Variants in MYO3B observed in about 807,000 individuals in gnomAD.
The protein encoded by MYO3B is myosin IIIB, also known as myosin-IIIb.
Under a neutral mutation model 174.6 loss-of-function variants are expected in MYO3B, and 156 were observed. That is an observed-to-expected ratio of 0.89 (90% CI 0.78 to 1.02). MYO3B has a LOEUF of 1.02. Ranked by LOEUF, MYO3B falls within the 50% of genes least tolerant of loss-of-function variation. MYO3B has a pLI of 0.00. For synonymous variants in MYO3B, 563 were observed against 569.1 expected (o/e 0.99, Z 0.15); for missense variants, 1,632 against 1,639.4 (o/e 1.00, Z 0.08).
At chr2:170,295,801 T>C (rs923292515) in intron 7 of MYO3B, among the ~76,000 whole-genome samples, 22 of 152,194 alleles carry the variant, frequency 1.4e-4, no homozygotes, top group African/African-American at 4.8e-4. Context: ...ATAAGACATA[T>C]TTACTGTTGG....
intron 9 of MYO3B, among the ~76,000 whole-genome samples, chr2:170,370,369 A>G (rs1164848349): frequency 6.6e-6 from 1 of 152,160 alleles, no homozygotes; most frequent in African/African-American, 2.4e-5. Flanking sequence ...CAAGGTGACT[A>G]TATTTTGCTG....
At chr2:170,492,930 C>A (rs972287735) in intron 25 of MYO3B, among the ~76,000 whole-genome samples, 1 of 152,194 alleles carries the variant, frequency 6.6e-6, no homozygotes, top group African/African-American at 2.4e-5. Context: ...TTAACAAAGT[C>A]TCTGTTTCTC....
intron 32 of MYO3B, among the ~76,000 whole-genome samples, chr2:170,573,980 A>G (rs72625221): frequency 0.039 from 5,906 of 152,232 alleles, 253 homozygotes; most frequent in East Asian, 0.2. Context: ...AGAATTCACC[A>G]TTAGAAAACA....
intron 28 of MYO3B, among the ~76,000 whole-genome samples, chr2:170,510,407 A>G (rs760627055): frequency 2.6e-5 from 4 of 152,230 alleles, no homozygotes; most frequent in African/African-American, 4.8e-5. Flanking sequence ...ACAAGGAGAC[A>G]CAGGTCCTTC....
chr2:170,217,425 G>A (rs144380985), intron 6 of MYO3B, 30 bp downstream of exon 6: 2 of 1,577,590 alleles, frequency 1.3e-6, no homozygotes, highest in Admixed American at 1.7e-5. Flanking sequence ...TTCTTTCTTT[G>A]CACTTGTTGA....
At position 170,204,492 on chromosome 2, in the gene MYO3B, T is replaced by C. The variant is rs371082847; in HGVS notation, c.321+4208T>C. On this transcript the variant is annotated intron_variant, in intron 3 of 34. Transcript: ENST00000408978. ...ATAATGTGGAAGAAAGTTGATGGCTTATTGAGCAAGGAACATTTTATTGCT... is the reference window on the plus strand; with the variant it reads ...ATAATGTGGAAGAAAGTTGATGGCTCATTGAGCAAGGAACATTTTATTGCT... Among the ~76,000 whole-genome samples, 12 of 152,332 alleles carry C rather than the reference T, an allele frequency of 7.9e-5. No homozygotes were observed. The South Asian group carries it at 1.0e-3, about 13-fold the overall frequency.
intron 8 of MYO3B, among the ~76,000 whole-genome samples, chr2:170,351,772 C>T (rs187379203): frequency 6.6e-6 from 1 of 152,150 alleles, no homozygotes; most frequent in Non-Finnish European, 1.5e-5. Flanking sequence ...AGCATAAATT[C>T]GTTTGAAATG....
intron 30 of MYO3B, among the ~76,000 whole-genome samples, chr2:170,527,241 G>C (rs1689062324): frequency 6.6e-6 from 1 of 152,136 alleles, no homozygotes; most frequent in East Asian, 1.9e-4. Flanking sequence ...GGGTAGGATG[G>C]GGGTGGTATG....
At chr2:170,352,116 C>T (rs1241479012) in intron 8 of MYO3B, among the ~76,000 whole-genome samples, 2 of 152,242 alleles carry the variant, frequency 1.3e-5, no homozygotes, top group South Asian at 4.1e-4. Flanking sequence ...CAACACCTGG[C>T]TGATTTTTGT....
chr2:170,272,602 A>G (rs1262684849), intron 7 of MYO3B, among the ~76,000 whole-genome samples: 1 of 152,176 alleles, frequency 6.6e-6, no homozygotes, highest in African/African-American at 2.4e-5. Context: ...GGTAACTACC[A>G]TGGTTTGAGA....
intron 7 of MYO3B, among the ~76,000 whole-genome samples, chr2:170,259,095 C>T (rs973642193): frequency 1.3e-5 from 2 of 152,264 alleles, no homozygotes; most frequent in African/African-American, 4.8e-5. Flanking sequence ...ATTCCATGCT[C>T]ATGGACTGGA....
At position 170,653,317 on chromosome 2, in the gene MYO3B, G is replaced by A. The variant is rs1699125536; in HGVS notation, c.*196G>A. 1 of 624,314 alleles carries A rather than the reference G, an allele frequency of 1.6e-6. No individual in the cohort carries two copies. Among genetic ancestry groups the A allele is most frequent in the South Asian group, 2.3e-5 (1 of 44,186 alleles). 38.7% of individuals were successfully genotyped at this position (624,314 alleles called of 1,614,324 possible). A position where few individuals can be genotyped will look rare whatever the true frequency, so the allele number is the denominator to read the frequency against. ...ACCACTCTCCCACATGTGTTGTGCA[G>A]CCTGAGCTGGGCGCTGCCTTCCTTT... is the stretch of plus-strand genomic sequence containing the variant. On this transcript the variant is annotated 3_prime_UTR_variant, in exon 35 of 35. Transcript: ENST00000408978.
At position 170,387,325 on chromosome 2, in the gene MYO3B, A is replaced by T. The variant is rs1406181483; in HGVS notation, c.1577+17A>T. ...ACAGGCAGCGTAGGTGCACTACTTT[A>T]TCACTGTGTTTTTGCCCTGCAGTAA... On this transcript the variant is annotated intron_variant, in intron 14 of 34. Coordinates refer to ENST00000408978, the MANE Select transcript of MYO3B (RefSeq NM_138995.5). 3 of 1,611,256 alleles carry T rather than the reference A, an allele frequency of 1.9e-6. No homozygotes were observed. The East Asian group carries it at 6.7e-5, about 36-fold the overall frequency.
intron 25 of MYO3B, among the ~76,000 whole-genome samples, chr2:170,486,335 G>T (rs6705183): frequency 7.9e-6 from 1 of 126,306 alleles, no homozygotes. Context: ...ATGTAGTTTC[G>T]CTCTTGTTGC....
At chr2:170,500,823 T>C (rs1687215921) in intron 27 of MYO3B, among the ~76,000 whole-genome samples, 1 of 152,222 alleles carries the variant, frequency 6.6e-6, no homozygotes, top group Non-Finnish European at 1.5e-5. Flanking sequence ...AGATGGAACT[T>C]ATAAACCAAG....
intron 22 of MYO3B, among the ~76,000 whole-genome samples, chr2:170,415,625 C>T (rs62168148): frequency 0.069 from 10,429 of 152,182 alleles, 418 homozygotes; most frequent in Non-Finnish European, 0.095. Flanking sequence ...CGCATCCACC[C>T]GCATTGTTCC....
chr2:170,209,056 A>C (rs2092744278), intron 3 of MYO3B, among the ~76,000 whole-genome samples: 1 of 152,158 alleles, frequency 6.6e-6, no homozygotes, highest in Admixed American at 6.5e-5. Flanking sequence ...TACTGCGTAG[A>C]TAAGGCCAGT....
At chr2:170,384,987 GGTT>G (rs2094363260) in intron 12 of MYO3B, among the ~76,000 whole-genome samples, 3 of 152,102 alleles carry the variant, frequency 2.0e-5, no homozygotes, top group Non-Finnish European at 2.9e-5. Context: ...ACTCTCTTTA[GGTT>G]TGATAATTCA....
chr2:170,319,609 T>G (rs917919690), intron 7 of MYO3B, among the ~76,000 whole-genome samples: 3 of 152,118 alleles, frequency 2.0e-5, no homozygotes, highest in Admixed American at 2.0e-4. Flanking sequence ...GTTCAAAATT[T>G]TGTTTAAAAA....
Sources: allele counts gnomAD v4.1 joint callset (sites outside exome capture counted in the v4.1 genomes callset), GRCh38; gene constraint gnomAD v4.1.1; transcripts MANE v1.5; gene names NCBI Gene and HGNC (gene_info 2026-07-23, HGNC 2026-07-21).